The following AGAP1 variants were observed in gnomAD, a reference collection of about 807,000 sequenced individuals.
AGAP1 encodes the protein arf-GAP with GTPase, ANK repeat and PH domain-containing protein 1.
AGAP1 carries 29 observed loss-of-function variants against 105.3 expected under a neutral mutation model. The observed-to-expected ratio is 0.28, with a 90% CI of 0.21 to 0.38. The LOEUF is 0.38. AGAP1 is among the 10% of genes least tolerant of loss of function. The pLI, the probability that AGAP1 is intolerant of heterozygous loss-of-function variation, is 1.00. For synonymous variants in AGAP1, 509 were observed against 485.9 expected, an observed-to-expected ratio of 1.05 and a Z score of -0.63; for missense variants, 998 against 1,165.1, an observed-to-expected ratio of 0.86 and a Z score of 2.09.
rs771154161 is a variant in AGAP1 at position 235,963,994 on chromosome 2, C to A, written c.1484-4468C>A. 6.6e-6 allele frequency among the ~76,000 whole-genome samples: 1 copy of A among 152,180 alleles called. No individual in the cohort carries two copies. The highest frequency in any genetic ancestry group is 1.5e-5 in the Non-Finnish European group (1 of 68,052). Reference sequence around the variant, plus strand: ...ACGGAAGAGAGTTTATGATATAATGCACCTACTGTAGGCTCAGCATTGCAC... The same window carrying A: ...ACGGAAGAGAGTTTATGATATAATGAACCTACTGTAGGCTCAGCATTGCAC... On this transcript the variant is annotated intron_variant, in intron 12 of 17. Transcript: ENST00000304032. This position sits in a 1 kb window ranked among gnomAD's most constrained non-coding sequence, Gnocchi z 5.1.
rs2106474427 is a variant in AGAP1 at position 235,855,204 on chromosome 2, T to C, written c.1051-28141T>C. On this transcript the variant is annotated intron_variant, in intron 9 of 17. Coordinates refer to ENST00000304032, the MANE Select transcript of AGAP1 (RefSeq NM_001037131.3). This position sits in a 1 kb window ranked among gnomAD's most constrained non-coding sequence, Gnocchi z 5.0. The stretch of plus-strand genomic sequence containing the variant: ...AAAATCGGCGTGGTGACGCATGTGC[T>C]GCCATCCCTTGGGGTGGCGCACGGA... 6.6e-6 allele frequency among the ~76,000 whole-genome samples: 1 copy of C among 152,340 alleles called. No homozygotes were observed. The highest frequency in any genetic ancestry group is 1.9e-4 in the East Asian group (1 of 5,186).
chr2:235,538,894 AC>A (rs1431051192), intron 1 of AGAP1, among the ~76,000 whole-genome samples: 2 of 148,140 alleles, frequency 1.4e-5, no homozygotes, highest in Admixed American at 1.4e-4. Flanking sequence ...GGATTTTTGA[AC>A]CTGTTATTAC....
intron 15 of AGAP1, among the ~76,000 whole-genome samples, chr2:236,041,444 G>C (rs949964777): frequency 1.3e-5 from 2 of 152,010 alleles, no homozygotes; most frequent in African/African-American, 4.8e-5. Context: ...ACTGATAGAA[G>C]TTGTAATTAC....
At chr2:235,812,399 A>T (rs1350625290) in intron 9 of AGAP1, among the ~76,000 whole-genome samples, 1 of 152,212 alleles carries the variant, frequency 6.6e-6, no homozygotes, top group Non-Finnish European at 1.5e-5. Context: ...GAGTAGAAAG[A>T]GGCAATTGTC....
rs1384255803 is a variant in AGAP1, at chr2:235,864,075, A to G, written c.1051-19270A>G. ...GCTCGGTTTTGACTCTATAGATCTGACTTGAATGCGCAAGCGGGCCGTTCC... is the reference window on the plus strand; with the variant it reads ...GCTCGGTTTTGACTCTATAGATCTGGCTTGAATGCGCAAGCGGGCCGTTCC... On this transcript the variant is annotated intron_variant, in intron 9 of 17. Coordinates refer to ENST00000304032, the MANE Select transcript of AGAP1 (RefSeq NM_001037131.3). This position sits in a 1 kb window ranked among gnomAD's most constrained non-coding sequence, Gnocchi z 5.0. Among the ~76,000 whole-genome samples the G allele has an allele frequency of 6.6e-6, 1 of 152,182 alleles. No homozygotes were observed. The highest frequency in any genetic ancestry group is 2.4e-5 in the African/African-American group (1 of 41,440).
intron 1 of AGAP1, among the ~76,000 whole-genome samples, chr2:235,707,500 T>G: frequency 2.8e-5 from 1 of 35,388 alleles, no homozygotes; most frequent in African/African-American, 1.1e-4. Flanking sequence ...CAGAACACAC[T>G]GGGCAGATGT....
At chr2:235,696,465 C>T (rs1950001933) in intron 1 of AGAP1, among the ~76,000 whole-genome samples, 1 of 152,096 alleles carries the variant, frequency 6.6e-6, no homozygotes, top group African/African-American at 2.4e-5. Context: ...AAGGGCGGGT[C>T]GGGTGCCCCA....
chr2:235,996,755 A>G (rs951938351), intron 13 of AGAP1, among the ~76,000 whole-genome samples: 1 of 152,234 alleles, frequency 6.6e-6, no homozygotes, highest in African/African-American at 2.4e-5. Context: ...AGAAGTAACC[A>G]TATATTGAAA....
Position 235,901,179 on chromosome 2 carries a change from A to G in AGAP1, c.1156-7559A>G, listed in dbSNP as rs2051045873. 6.6e-6 allele frequency among the ~76,000 whole-genome samples: 1 copy of G among 152,162 alleles called. No individual in the cohort carries two copies. Among genetic ancestry groups the G allele is most frequent in the Non-Finnish European group, 1.5e-5 (1 of 68,028 alleles). On this transcript the variant is annotated intron_variant, in intron 10 of 17. Transcript: ENST00000304032. This position sits in a 1 kb window ranked among gnomAD's most constrained non-coding sequence, Gnocchi z 4.3. ...GTGAACGTTTGCTTGATCTTTTTGA[A>G]TGGGTGGTCCTATATATGTCTTTAT...
chr2:235,563,203 C>T (rs574503657), intron 1 of AGAP1, among the ~76,000 whole-genome samples: 25 of 152,332 alleles, frequency 1.6e-4, no homozygotes, highest in African/African-American at 4.1e-4. Context: ...TCGCACCCTC[C>T]GAGCTGCCTG....
At chr2:236,059,989 G>A (rs765404031) in intron 16 of AGAP1, among the ~76,000 whole-genome samples, 8 of 152,174 alleles carry the variant, frequency 5.3e-5, no homozygotes, top group Non-Finnish European at 1.0e-4. Flanking sequence ...TACTTGGGAG[G>A]CTGAGGTAGA....
rs745522525 is a variant in AGAP1, at chr2:235,989,477, A to G, written c.1645+20854A>G. Among the ~76,000 whole-genome samples, 2 of 152,048 alleles carry G rather than the reference A, an allele frequency of 1.3e-5. No individual in the cohort carries two copies. The highest frequency in any genetic ancestry group is 6.6e-5 in the Admixed American group (1 of 15,264). Reference sequence around the variant, plus strand: ...GAGAGGTGGGTGCTGGGACAGGATGAGCTGGGCTGGAGGAGGGTTTGCCCT... The same window carrying G: ...GAGAGGTGGGTGCTGGGACAGGATGGGCTGGGCTGGAGGAGGGTTTGCCCT... On this transcript the variant is annotated intron_variant, in intron 13 of 17. Transcript: ENST00000304032. The surrounding 1 kb of genome is among the most constrained non-coding windows in gnomAD (Gnocchi z 4.4).
At chr2:235,538,427 A>ATGTGTG (rs57515821) in intron 1 of AGAP1, among the ~76,000 whole-genome samples, 7,614 of 135,366 alleles carry the variant, frequency 0.056, 270 homozygotes, top group South Asian at 0.13. Flanking sequence ...CTCAGCCACT[A>ATGTGTG]TGTGTGTGTG....
intron 1 of AGAP1, among the ~76,000 whole-genome samples, chr2:235,580,001 A>G (rs1373535289): frequency 6.9e-6 from 1 of 145,266 alleles, no homozygotes; most frequent in Admixed American, 6.6e-5. Context: ...ACCATACAAC[A>G]TGTGGCCTTC....
At chr2:236,071,381 A>T (rs2125796660) in intron 16 of AGAP1, among the ~76,000 whole-genome samples, 1 of 152,212 alleles carries the variant, frequency 6.6e-6, no homozygotes, top group Admixed American at 6.5e-5. Flanking sequence ...TCCTGGAAGG[A>T]TTGGTTCTAG....
At chr2:235,562,385 C>T (rs977431458) in intron 1 of AGAP1, among the ~76,000 whole-genome samples, 1 of 152,016 alleles carries the variant, frequency 6.6e-6, no homozygotes, top group African/African-American at 2.4e-5. Context: ...AGATGGTTCC[C>T]CGAAGCCCCC....
chr2:235,941,147 A>G (rs2053239815), intron 12 of AGAP1, among the ~76,000 whole-genome samples: 1 of 152,346 alleles, frequency 6.6e-6, no homozygotes, highest in South Asian at 2.1e-4. Context: ...CACAGTGTAT[A>G]CAGTTTATGG....
At position 236,038,040 on chromosome 2, in the gene AGAP1, A is replaced by G. The variant is rs2057434140; in HGVS notation, c.1800+1325A>G. On this transcript the variant is annotated intron_variant, in intron 14 of 17. Transcript: ENST00000304032. This position sits in a 1 kb window ranked among gnomAD's most constrained non-coding sequence, Gnocchi z 4.5. ...TTTTATTACCCTCTTTAACCAGGGT[A>G]AACCAGACCACAGTCATTATTATTA... Among the ~76,000 whole-genome samples, 1 of 152,194 alleles carries G rather than the reference A, an allele frequency of 6.6e-6. No homozygotes were observed. The highest frequency in any genetic ancestry group is 6.5e-5 in the Admixed American group (1 of 15,280).
chr2:235,726,046 C>T (rs1951627787), intron 3 of AGAP1, among the ~76,000 whole-genome samples: 1 of 152,218 alleles, frequency 6.6e-6, no homozygotes, highest in Non-Finnish European at 1.5e-5. Flanking sequence ...CTGTATGGAA[C>T]TCAGAATGTA....
Sources: gnomAD v4.1 joint callset for allele counts (sites outside exome capture counted in the v4.1 genomes callset) on GRCh38, gnomAD v4.1.1 for gene constraint, Gnocchi (gnomAD v3.1) non-coding constraint, MANE v1.5 for transcripts, NCBI Gene and HGNC (gene_info 2026-07-23, HGNC 2026-07-21) for gene names.